RETREG1: variants seen among roughly 807,000 people sequenced by gnomAD.
The protein encoded by RETREG1 is reticulophagy regulator 1, also known as family with sequence similarity 134 member B.
A neutral mutation model predicts 54.8 loss-of-function variants in RETREG1; 44 were observed. That is an observed-to-expected ratio of 0.80 (90% CI 0.63 to 1.03). The LOEUF is 1.03. Ranked by LOEUF, RETREG1 falls within the 50% of genes least tolerant of loss-of-function variation. RETREG1 has a pLI of 0.00. For synonymous variants in RETREG1, 217 were observed against 238.5 expected, an observed-to-expected ratio of 0.91 and a Z score of 0.83; for missense variants, 554 against 605.1, an observed-to-expected ratio of 0.92 and a Z score of 0.89.
rs1037087228 is a variant in RETREG1, at chr5:16,585,544, C to T, written c.321-13442G>A. 6.6e-6 allele frequency among the ~76,000 whole-genome samples: 1 copy of T among 152,300 alleles called. No homozygotes were observed. On this transcript the variant is annotated intron_variant, in intron 1 of 8. Coordinates refer to ENST00000306320, the MANE Select transcript of RETREG1 (RefSeq NM_001034850.3). This position sits in a 1 kb window ranked among gnomAD's most constrained non-coding sequence, Gnocchi z 4.5. ...TATTCCACCTTCTACCTGACCTGGT[C>T]ACAGCAGGGAAGGGGACTTCGAGGC... is the stretch of plus-strand genomic sequence containing the variant.
Position 16,585,074 on chromosome 5 carries a change from C to T in RETREG1, c.321-12972G>A, listed in dbSNP as rs431154. On this transcript the variant is annotated intron_variant, in intron 1 of 8. Transcript: ENST00000306320. This position sits in a 1 kb window ranked among gnomAD's most constrained non-coding sequence, Gnocchi z 4.5. ...AAAAGAGGGTGGTAGGTAATAGACT[C>T]CTTTCTCTAAAGAGATGAGAAATTC... Among the ~76,000 whole-genome samples the T allele has an allele frequency of 0.14, 21,972 of 151,876 alleles. 1,589 individuals carry two copies. The highest frequency in any genetic ancestry group is 0.16 in the African/African-American group (6,797 of 41,402).
chr5:16,590,227 C>A (rs1418584529), intron 1 of RETREG1, among the ~76,000 whole-genome samples: 1 of 152,190 alleles, frequency 6.6e-6, no homozygotes, highest in Non-Finnish European at 1.5e-5. Flanking sequence ...AGGGTCAGGG[C>A]AAGACAAGCC....
At chr5:16,609,471 G>C (rs1743280827) in intron 1 of RETREG1, among the ~76,000 whole-genome samples, 1 of 152,188 alleles carries the variant, frequency 6.6e-6, no homozygotes, top group Admixed American at 6.5e-5. Context: ...ACCAGCGATA[G>C]TAGCATCTGT....
rs1031474503 is a variant in RETREG1 at position 16,594,590 on chromosome 5, T to G, written c.320+22062A>C. 6.6e-6 allele frequency among the ~76,000 whole-genome samples: 1 copy of G among 152,028 alleles called. No homozygotes were observed. Among genetic ancestry groups the G allele is most frequent in the African/African-American group, 2.4e-5 (1 of 41,390 alleles). On this transcript the variant is annotated intron_variant, in intron 1 of 8. Coordinates refer to ENST00000306320, the MANE Select transcript of RETREG1 (RefSeq NM_001034850.3). The surrounding 1 kb of genome is among the most constrained non-coding windows in gnomAD (Gnocchi z 4.4). The stretch of plus-strand genomic sequence containing the variant: ...AAATACAAAAATTAGCTGGGCGTGG[T>G]GGCGCATGTCTGTAGTCCCAGATAC...
At chr5:16,495,097 G>C (rs1202998363) in intron 3 of RETREG1, among the ~76,000 whole-genome samples, 3 of 152,202 alleles carry the variant, frequency 2.0e-5, no homozygotes, top group Non-Finnish European at 4.4e-5. Context: ...AAAGAGTGAT[G>C]ATTTAGGTAT....
At chr5:16,578,247 A>T (rs1216686702) in intron 1 of RETREG1, among the ~76,000 whole-genome samples, 1 of 152,220 alleles carries the variant, frequency 6.6e-6, no homozygotes, top group African/African-American at 2.4e-5. Context: ...CAACTTTCTA[A>T]CAAAACTAAT....
intron 3 of RETREG1, among the ~76,000 whole-genome samples, chr5:16,538,895 G>A (rs946923509): frequency 1.6e-4 from 24 of 152,036 alleles, no homozygotes; most frequent in Non-Finnish European, 2.6e-4. Flanking sequence ...TAGTAGAAAC[G>A]GGGTTTCAAC....
chr5:16,532,843 A>C (rs1740952601), intron 3 of RETREG1, among the ~76,000 whole-genome samples: 1 of 152,198 alleles, frequency 6.6e-6, no homozygotes. Context: ...GATAATTTAG[A>C]ATTATTTCAA....
chr5:16,492,229 T>TCTCTCTCTCTCTCTCACACACA (rs1406702350), intron 3 of RETREG1, among the ~76,000 whole-genome samples: 12 of 110,640 alleles, frequency 1.1e-4, no homozygotes, highest in African/African-American at 3.7e-4. Context: ...TCTCTCTCTC[T>TCTCTCTCTCTCTCTCACACACA]CACACACACA....
chr5:16,544,904 GGC>G (rs1310039797), intron 3 of RETREG1, among the ~76,000 whole-genome samples: 2 of 151,960 alleles, frequency 1.3e-5, no homozygotes, highest in Non-Finnish European at 2.9e-5. Context: ...CTTCCACTGG[GGC>G]CACATTATCT....
chr5:16,499,291 G>A (rs1042107013), intron 3 of RETREG1, among the ~76,000 whole-genome samples: 3 of 152,046 alleles, frequency 2.0e-5, no homozygotes, highest in Non-Finnish European at 4.4e-5. Flanking sequence ...CTTCAATCAT[G>A]GAGTGTCTAT....
At chr5:16,541,787 A>G (rs1299551259) in intron 3 of RETREG1, among the ~76,000 whole-genome samples, 2 of 148,178 alleles carry the variant, frequency 1.3e-5, no homozygotes, top group African/African-American at 5.2e-5. Flanking sequence ...GAAGGAAGGA[A>G]GGAAGGAAGG....
At position 16,473,641 on chromosome 5, in the gene RETREG1, C is replaced by G. The variant is rs935810429; in HGVS notation, c.*1100G>C. 6.6e-6 allele frequency: 1 copy of G among 152,412 alleles called. No individual in the cohort carries two copies. Among genetic ancestry groups the G allele is most frequent in the Non-Finnish European group, 1.5e-5 (1 of 67,960 alleles). 9.4% of individuals were successfully genotyped at this position (152,412 alleles called of 1,614,324 possible). A position where few individuals can be genotyped will look rare whatever the true frequency, so the allele number is the denominator to read the frequency against. The stretch of plus-strand genomic sequence containing the variant: ...CAGCTCTTTAGTCCTTTGTTAAAAA[C>G]CATAAATCAAATTTGGTTATTTAAA... On this transcript the variant is annotated 3_prime_UTR_variant, in exon 9 of 9. Transcript: ENST00000306320.
intron 3 of RETREG1, among the ~76,000 whole-genome samples, chr5:16,500,738 C>T (rs1485262933): frequency 2.0e-5 from 3 of 152,262 alleles, no homozygotes; most frequent in South Asian, 2.1e-4. Flanking sequence ...TACTTTCACT[C>T]GGCACAGTCC....
intron 3 of RETREG1, among the ~76,000 whole-genome samples, chr5:16,533,605 C>T (rs1478220626): frequency 6.6e-6 from 1 of 152,120 alleles, no homozygotes; most frequent in Non-Finnish European, 1.5e-5. Context: ...GGTGAGAATT[C>T]ACACCCCCAT....
chr5:16,487,206 C>T (rs10067067), intron 3 of RETREG1, among the ~76,000 whole-genome samples: 4,414 of 152,268 alleles, frequency 0.029, 231 homozygotes, highest in African/African-American at 0.1. Context: ...CTGTGACTGA[C>T]GCTCAACTAA....
At chr5:16,546,482 T>C (rs1484253835) in intron 3 of RETREG1, among the ~76,000 whole-genome samples, 1 of 152,222 alleles carries the variant, frequency 6.6e-6, no homozygotes, top group East Asian at 1.9e-4. Flanking sequence ...TTTTATATTA[T>C]TGAGATAAAT....
intron 1 of RETREG1, among the ~76,000 whole-genome samples, chr5:16,574,702 C>T (rs1254722415): frequency 6.6e-6 from 1 of 152,218 alleles, no homozygotes; most frequent in Non-Finnish European, 1.5e-5. Context: ...CAGGCTCCTC[C>T]TCCCAGGCCC....
chr5:16,558,421 A>C (rs1194531065), intron 3 of RETREG1, among the ~76,000 whole-genome samples: 1 of 152,208 alleles, frequency 6.6e-6, no homozygotes, highest in African/African-American at 2.4e-5. Context: ...AACTATAAGC[A>C]ATGAATTTCT....
Sources: gnomAD v4.1 joint callset for allele counts (sites outside exome capture counted in the v4.1 genomes callset) on GRCh38, gnomAD v4.1.1 for gene constraint, Gnocchi (gnomAD v3.1) non-coding constraint, MANE v1.5 for transcripts, NCBI Gene and HGNC (gene_info 2026-07-23, HGNC 2026-07-21) for gene names.